Variants in IGF1 observed in about 807,000 individuals in gnomAD.
IGF1 encodes the protein insulin-like growth factor 1.
IGF1 carries 4 observed loss-of-function variants against 13.8 expected under a neutral mutation model. The ratio of observed to expected loss-of-function variants is 0.29; its 90% CI spans 0.14 to 0.66. The LOEUF (loss-of-function observed/expected upper bound fraction) is 0.66. Among genes scored for constraint, IGF1 ranks in the 30% least tolerant of loss-of-function variants. The pLI is 0.78. For missense variants in IGF1, 124 were observed against 188.5 expected (o/e 0.66, Z 2.00); for synonymous variants, 76 against 72.6 (o/e 1.05, Z -0.23).
intron 2 of IGF1, among the ~76,000 whole-genome samples, chr12:102,426,017 T>G (rs889452210): frequency 6.6e-6 from 1 of 152,262 alleles, no homozygotes; most frequent in Non-Finnish European, 1.5e-5. Context: ...TTTTTATGTT[T>G]GAATTATTTC....
intron 2 of IGF1, among the ~76,000 whole-genome samples, chr12:102,453,630 A>G (rs1879142417): frequency 6.6e-6 from 1 of 152,208 alleles, no homozygotes. Context: ...TCTTATGATG[A>G]AGTTGGAAGA....
intron 2 of IGF1, among the ~76,000 whole-genome samples, chr12:102,421,695 C>T (rs1321788542): frequency 6.6e-6 from 1 of 152,150 alleles, no homozygotes; most frequent in Admixed American, 6.5e-5. Flanking sequence ...GTAGGAAGAG[C>T]TCCAGAAACT....
chr12:102,429,598 C>T (rs532129980), intron 2 of IGF1, among the ~76,000 whole-genome samples: 2 of 152,262 alleles, frequency 1.3e-5, no homozygotes, highest in South Asian at 4.2e-4. Context: ...CATCTGGGAC[C>T]AACATCATGC....
upstream of IGF1, among the ~76,000 whole-genome samples, chr12:102,481,334 A>G (rs552946218): frequency 6.7e-6 from 1 of 148,806 alleles, no homozygotes; most frequent in South Asian, 2.2e-4. Context: ...TGAATTTTCC[A>G]TATAACTCAA....
chr12:102,404,288 A>G (rs1873943105), intron 3 of IGF1, among the ~76,000 whole-genome samples: 1 of 152,226 alleles, frequency 6.6e-6, no homozygotes, highest in Admixed American at 6.5e-5. Context: ...ATTTGAGATT[A>G]CACAGACCTG....
intron 2 of IGF1, among the ~76,000 whole-genome samples, chr12:102,424,822 G>A (rs371125295): frequency 1.2e-4 from 18 of 152,206 alleles, no homozygotes; most frequent in African/African-American, 4.3e-4. Flanking sequence ...TACATTGAAT[G>A]GTTGATATTT....
At chr12:102,414,600 T>A (rs1874923467) in intron 3 of IGF1, among the ~76,000 whole-genome samples, 1 of 151,972 alleles carries the variant, frequency 6.6e-6, no homozygotes, top group Non-Finnish European at 1.5e-5. Context: ...TTTTTTGTAT[T>A]TTTAGTAGAG....
intron 2 of IGF1, among the ~76,000 whole-genome samples, chr12:102,451,834 G>C (rs1878963639): frequency 6.6e-6 from 1 of 152,080 alleles, no homozygotes; most frequent in Admixed American, 6.5e-5. Flanking sequence ...GGAGGGACCT[G>C]GTGGGAGGTG....
chr12:102,422,408 C>T (rs981330142), intron 2 of IGF1, among the ~76,000 whole-genome samples: 8 of 152,088 alleles, frequency 5.3e-5, no homozygotes, highest in Admixed American at 6.5e-5. Context: ...AAGTGTTTAC[C>T]TATTGCCTTT....
intron 2 of IGF1, among the ~76,000 whole-genome samples, chr12:102,420,207 CAG>C (rs1875579285): frequency 6.6e-6 from 1 of 152,088 alleles, no homozygotes; most frequent in Non-Finnish European, 1.5e-5. Context: ...AACTGAGACT[CAG>C]AGGTGGCAAA....
chr12:102,452,155 G>A (rs1245232734), intron 2 of IGF1, among the ~76,000 whole-genome samples: 1 of 150,278 alleles, frequency 6.7e-6, no homozygotes, highest in Non-Finnish European at 1.5e-5. Flanking sequence ...CCAGCTACTC[G>A]GGAGGCTGAG....
intron 2 of IGF1, among the ~76,000 whole-genome samples, chr12:102,445,363 C>G (rs1000955523): frequency 1.3e-5 from 2 of 152,118 alleles, no homozygotes; most frequent in African/African-American, 2.4e-5. Flanking sequence ...TTCTTCCTAT[C>G]CATGAGCATG....
chr12:102,454,992 G>A lies in IGF1; in HGVS notation c.220+20651C>T, dbSNP rs533072737. Reference sequence around the variant, plus strand: ...TTTCCACATCAGCTCTCTCAAGCCTGGAGAATCTTGGCTGGAAGTGTGGGG... The same window carrying A: ...TTTCCACATCAGCTCTCTCAAGCCTAGAGAATCTTGGCTGGAAGTGTGGGG... On this transcript the variant is annotated intron_variant, in intron 2 of 3. Coordinates refer to ENST00000337514, the MANE Select transcript of IGF1 (RefSeq NM_000618.5). Among the ~76,000 whole-genome samples the A allele has an allele frequency of 3.3e-5, 5 of 152,318 alleles. No individual in the cohort carries two copies. In the South Asian group the frequency reaches 1.0e-3, roughly 32 times the overall value.
rs140864343 is a variant in IGF1, at chr12:102,400,295, C to T, written c.*2212G>A. The T allele has an allele frequency of 1.3e-5, 2 of 152,232 alleles. No homozygotes were observed. The highest frequency in any genetic ancestry group is 3.9e-4 in the East Asian group (2 of 5,184). 9.4% of individuals were successfully genotyped at this position (152,232 alleles called of 1,614,324 possible). ...TTTTAACCAAAAAGTTCTAAGGTGA[C>T]TAGAAAGATCTGAATGCTGGATAAT... On this transcript the variant is annotated 3_prime_UTR_variant, in exon 4 of 4. Coordinates refer to ENST00000337514, the MANE Select transcript of IGF1 (RefSeq NM_000618.5).
intron 1 of IGF1, among the ~76,000 whole-genome samples, chr12:102,477,033 G>T (rs1014714551): frequency 6.6e-6 from 1 of 152,100 alleles, no homozygotes; most frequent in African/African-American, 2.4e-5. Flanking sequence ...GCTATTAAAA[G>T]GGTTGTGGAG....
chr12:102,475,774 G>A lies in IGF1; in HGVS notation c.89C>T (p.Ser30Leu), dbSNP rs766508915. ...GCACAGCGCCAGGTAGAAGAGATGC[G>A]AGGAGGACATGGTGTGCATCTTCAC... ...LKVKMHTMSS[S>L]HLFYLALCLL... Residue 30 changes from serine to leucine, a missense_variant, in exon 2 of 4, where the codon TCG becomes TTG. Ser to Leu is a moderately radical substitution (Grantham distance 145). Around this residue, in one of 2 missense-constraint regions of IGF1, gnomAD observed 99 missense variants for 171.4 expected, o/e 0.58. Coordinates refer to ENST00000337514, the MANE Select transcript of IGF1 (RefSeq NM_000618.5). 6.8e-6 allele frequency: 11 copies of A among 1,613,980 alleles called. No individual in the cohort carries two copies. Among genetic ancestry groups the A allele is most frequent in the Middle Eastern group, 1.7e-4 (1 of 6,060 alleles).
chr12:102,443,119 G>A (rs772496604), intron 2 of IGF1, among the ~76,000 whole-genome samples: 17 of 152,046 alleles, frequency 1.1e-4, no homozygotes, highest in Non-Finnish European at 1.9e-4. Flanking sequence ...CAGGGATAGC[G>A]TCTTTGGCAG....
chr12:102,446,710 GTC>G (rs1041818758), intron 2 of IGF1, among the ~76,000 whole-genome samples: 20 of 152,066 alleles, frequency 1.3e-4, no homozygotes, highest in Admixed American at 1.2e-3. Flanking sequence ...GGTTTCTCAT[GTC>G]TCTATCTCTT....
intron 3 of IGF1, among the ~76,000 whole-genome samples, chr12:102,418,448 A>C (rs1875363023): frequency 6.6e-6 from 1 of 152,202 alleles, no homozygotes; most frequent in Non-Finnish European, 1.5e-5. Flanking sequence ...GCTGAGGTTT[A>C]AGACCAGGAA....
Sources: allele counts gnomAD v4.1 joint callset (sites outside exome capture counted in the v4.1 genomes callset), GRCh38; gene constraint gnomAD v4.1.1; regional missense constraint gnomAD v4.1.1; transcripts MANE v1.5; gene names NCBI Gene and HGNC (gene_info 2026-07-23, HGNC 2026-07-21).